Variants in AGMO observed in about 807,000 individuals in gnomAD.
The protein encoded by AGMO is alkylglycerol monooxygenase.
AGMO carries 75 observed loss-of-function variants against 60.2 expected under a neutral mutation model. The observed-to-expected ratio is 1.25, with a 90% CI of 1.03 to 1.51. The LOEUF is 1.51. Ranked by LOEUF, AGMO falls within the 40% of genes most tolerant of loss-of-function variation. AGMO has a pLI of 0.00. For missense variants in AGMO, 763 were observed against 525.5 expected, an observed-to-expected ratio of 1.45 and a Z score of -4.42; for synonymous variants, 261 against 177.1, an observed-to-expected ratio of 1.47 and a Z score of -3.76.
At position 15,534,980 on chromosome 7, in the gene AGMO, T is replaced by C. The variant is rs914951675; in HGVS notation, c.409+9792A>G. Among the ~76,000 whole-genome samples the C allele has an allele frequency of 3.9e-5, 6 of 151,968 alleles. No homozygotes were observed. The South Asian group carries it at 1.0e-3, about 26-fold the overall frequency. ...TAACTTTTTTACTTATGTATCAGACTGCACCTTAAGTGTTTTGTCCATTTT... is the reference window on the plus strand; with the variant it reads ...TAACTTTTTTACTTATGTATCAGACCGCACCTTAAGTGTTTTGTCCATTTT... On this transcript the variant is annotated intron_variant, in intron 3 of 12. Coordinates refer to ENST00000342526, the MANE Select transcript of AGMO (RefSeq NM_001004320.2).
chr7:15,429,079 G>A (rs1583542395), intron 4 of AGMO, among the ~76,000 whole-genome samples: 1 of 151,972 alleles, frequency 6.6e-6, no homozygotes, highest in South Asian at 2.1e-4. Flanking sequence ...TTGTAAAATA[G>A]GCAGTGATTT....
chr7:15,451,672 T>C (rs1434010473), intron 3 of AGMO, among the ~76,000 whole-genome samples: 1 of 152,058 alleles, frequency 6.6e-6, no homozygotes, highest in African/African-American at 2.4e-5. Flanking sequence ...AAGACCTTAG[T>C]ATAAGAGTGA....
At chr7:15,226,865 C>A (rs935805094) in intron 12 of AGMO, among the ~76,000 whole-genome samples, 2 of 151,872 alleles carry the variant, frequency 1.3e-5, no homozygotes, top group Admixed American at 6.6e-5. Context: ...TGGCAGAAAA[C>A]GTCATTATAA....
intron 12 of AGMO, among the ~76,000 whole-genome samples, chr7:15,340,286 T>A (rs1211819533): frequency 6.6e-6 from 1 of 152,142 alleles, no homozygotes. Context: ...GGTGTGGAAT[T>A]TTCTAGTTGT....
intron 12 of AGMO, among the ~76,000 whole-genome samples, chr7:15,292,526 T>G (rs192431138): frequency 6.6e-6 from 1 of 152,130 alleles, no homozygotes; most frequent in African/African-American, 2.4e-5. Flanking sequence ...GTGAACATGA[T>G]AGTGAGTTCA....
At position 15,551,674 on chromosome 7, in the gene AGMO, T is replaced by C. The variant is rs1359925218; in HGVS notation, c.258-6751A>G. ...CTGCTCAAGGAAATAAAAGAGGATA[T>C]AAACAAATGGAAGAACATTCCATGC... On this transcript the variant is annotated intron_variant, in intron 2 of 12. Transcript: ENST00000342526. Among the ~76,000 whole-genome samples the C allele has an allele frequency of 7.3e-5, 11 of 150,952 alleles. No individual in the cohort carries two copies. In the East Asian group the frequency reaches 1.2e-3, roughly 16 times the overall value.
chr7:15,270,736 G>T (rs958391962), intron 12 of AGMO, among the ~76,000 whole-genome samples: 4 of 149,878 alleles, frequency 2.7e-5, no homozygotes, highest in Admixed American at 2.0e-4. Context: ...CTTTGCCTGG[G>T]TCAGTGTCCA....
intron 3 of AGMO, among the ~76,000 whole-genome samples, chr7:15,531,196 A>ATATATATTC (rs1784327700): frequency 2.9e-5 from 2 of 69,436 alleles, no homozygotes; most frequent in Admixed American, 2.3e-4. Context: ...TATATATTCT[A>ATATATATTC]TATATATATT....
chr7:15,233,822 C>T lies in AGMO; in HGVS notation c.1264-32463G>A, dbSNP rs888331535. 3.3e-5 allele frequency among the ~76,000 whole-genome samples: 5 copies of T among 151,898 alleles called. No individual in the cohort carries two copies. In the South Asian group the frequency reaches 6.2e-4, roughly 19 times the overall value. On this transcript the variant is annotated intron_variant, in intron 12 of 12. Transcript: ENST00000342526. ...ATCCCAGCATTTTGGGAGGCTGAGG[C>T]GCGTGGATCACGAGGTCAGTTCGAG...
At chr7:15,243,720 T>C (rs1482729132) in intron 12 of AGMO, among the ~76,000 whole-genome samples, 2 of 152,142 alleles carry the variant, frequency 1.3e-5, no homozygotes, top group Non-Finnish European at 2.9e-5. Flanking sequence ...CCCAGAAATA[T>C]ACCAATTCCA....
intron 12 of AGMO, among the ~76,000 whole-genome samples, chr7:15,302,039 G>A (rs547467110): frequency 6.6e-6 from 1 of 152,238 alleles, no homozygotes; most frequent in South Asian, 2.1e-4. Context: ...AGTGGATATA[G>A]TATAATGAGA....
chr7:15,144,728 A>T, the AGMO span, among the ~76,000 whole-genome samples: 80,375 of 151,908 alleles, frequency 0.53, 21,684 homozygotes, highest in South Asian at 0.61. Flanking sequence ...CACCATTTAA[A>T]TGTTAAGATG....
the AGMO span, among the ~76,000 whole-genome samples, chr7:15,127,361 T>C: frequency 6.6e-6 from 1 of 152,130 alleles, no homozygotes; most frequent in African/African-American, 2.4e-5. Context: ...GGCACCATTG[T>C]TGCCTTTTGT....
the AGMO span, among the ~76,000 whole-genome samples, chr7:15,147,999 G>A: frequency 1.4e-3 from 216 of 152,120 alleles, 2 homozygotes; most frequent in Admixed American, 2.2e-3. Context: ...TAAGAGGAGC[G>A]GCTCAAACTA....
intron 3 of AGMO, among the ~76,000 whole-genome samples, chr7:15,506,782 G>C (rs181925902): frequency 7.9e-5 from 12 of 152,024 alleles, no homozygotes; most frequent in Admixed American, 7.9e-4. Flanking sequence ...CAGAAAGTGT[G>C]AGATGAGGTA....
At chr7:15,331,524 G>T (rs1781498134) in intron 12 of AGMO, among the ~76,000 whole-genome samples, 1 of 152,160 alleles carries the variant, frequency 6.6e-6, no homozygotes, top group African/African-American at 2.4e-5. Flanking sequence ...GTGAAAACAG[G>T]CTGTGTTCCT....
chr7:15,506,281 T>C (rs1282396159), intron 3 of AGMO, among the ~76,000 whole-genome samples: 1 of 151,698 alleles, frequency 6.6e-6, no homozygotes, highest in Non-Finnish European at 1.5e-5. Flanking sequence ...ACTATTACTT[T>C]TTTTTTACAA....
At chr7:15,371,179 T>C (rs1266859340) in intron 10 of AGMO, among the ~76,000 whole-genome samples, 3 of 152,122 alleles carry the variant, frequency 2.0e-5, no homozygotes, top group Admixed American at 6.6e-5. Context: ...AAAACATTAA[T>C]ACAATTAATC....
downstream of AGMO, among the ~76,000 whole-genome samples, chr7:15,198,603 A>G (rs900322415): frequency 1.3e-5 from 2 of 152,192 alleles, no homozygotes; most frequent in Non-Finnish European, 2.9e-5. Context: ...ATTATTACTC[A>G]AATCAGTCTC....
Sources: gnomAD v4.1 joint callset for allele counts (sites outside exome capture counted in the v4.1 genomes callset) on GRCh38, gnomAD v4.1.1 for gene constraint, MANE v1.5 for transcripts, NCBI Gene and HGNC (gene_info 2026-07-23, HGNC 2026-07-21) for gene names.